MDGA2: variants seen among roughly 807,000 people sequenced by gnomAD.
MDGA2 encodes the protein MAM domain-containing glycosylphosphatidylinositol anchor protein 2.
Under a neutral mutation model 117.8 loss-of-function variants are expected in MDGA2, and 40 were observed. The ratio of observed to expected loss-of-function variants is 0.34; its 90% CI spans 0.26 to 0.44. The LOEUF (loss-of-function observed/expected upper bound fraction) is 0.44. Among genes scored for constraint, MDGA2 ranks in the 20% least tolerant of loss-of-function variants. MDGA2 has a pLI of 1.00. For missense variants in MDGA2, 1,123 were observed against 1,250.6 expected, an observed-to-expected ratio of 0.90 and a Z score of 1.54; for synonymous variants, 452 against 439.0, an observed-to-expected ratio of 1.03 and a Z score of -0.37.
At chr14:46,963,826 T>C (rs1038431275) in intron 8 of MDGA2, among the ~76,000 whole-genome samples, 1 of 152,258 alleles carries the variant, frequency 6.6e-6, no homozygotes, top group Non-Finnish European at 1.5e-5. Flanking sequence ...CCTATGTGTC[T>C]ATTACAGTAT....
At chr14:46,999,163 A>C (rs1887411234) in intron 8 of MDGA2, among the ~76,000 whole-genome samples, 1 of 152,082 alleles carries the variant, frequency 6.6e-6, no homozygotes, top group Non-Finnish European at 1.5e-5. Context: ...TTTAAGTATA[A>C]ATTGTGGAAT....
intron 3 of MDGA2, among the ~76,000 whole-genome samples, chr14:47,170,650 A>G (rs1884085400): frequency 6.6e-6 from 1 of 152,220 alleles, no homozygotes; most frequent in African/African-American, 2.4e-5. Context: ...ATATTTAATT[A>G]GAACTTTAAT....
intron 7 of MDGA2, among the ~76,000 whole-genome samples, chr14:47,047,567 C>T (rs994868791): frequency 1.3e-5 from 2 of 152,022 alleles, no homozygotes; most frequent in African/African-American, 4.8e-5. Context: ...TGAGCATAAT[C>T]GTACCTACTT....
At chr14:47,432,014 T>C (rs142223478) in intron 1 of MDGA2, among the ~76,000 whole-genome samples, 143 of 152,194 alleles carry the variant, frequency 9.4e-4, no homozygotes, top group African/African-American at 3.2e-3. Flanking sequence ...ATTATTTACA[T>C]CGACTTGGTT....
intron 3 of MDGA2, among the ~76,000 whole-genome samples, chr14:47,187,500 C>T (rs1262436510): frequency 1.3e-5 from 2 of 152,092 alleles, no homozygotes; most frequent in South Asian, 4.2e-4. Flanking sequence ...AAGTATTAAA[C>T]ATATTTTCTT....
chr14:47,579,162 AATATTACAAAAG>A (rs1452889454), intron 1 of MDGA2, among the ~76,000 whole-genome samples: 3 of 152,124 alleles, frequency 2.0e-5, no homozygotes, highest in Non-Finnish European at 4.4e-5. Context: ...CTTGGATAAA[AATATTACAAAAG>A]ATAACCTTTT....
chr14:47,281,562 C>G (rs2139738040), intron 2 of MDGA2, among the ~76,000 whole-genome samples: 3 of 152,248 alleles, frequency 2.0e-5, no homozygotes, highest in East Asian at 3.9e-4. Flanking sequence ...TTGCACCATT[C>G]TTAGGTTAGG....
intron 1 of MDGA2, among the ~76,000 whole-genome samples, chr14:47,421,995 A>G (rs948138450): frequency 6.6e-6 from 1 of 152,132 alleles, no homozygotes; most frequent in Non-Finnish European, 1.5e-5. Flanking sequence ...TACAAAGTTA[A>G]CAATATTCTT....
intron 5 of MDGA2, among the ~76,000 whole-genome samples, chr14:47,103,054 T>A (rs548473593): frequency 6.0e-4 from 91 of 152,150 alleles, no homozygotes; most frequent in African/African-American, 2.0e-3. Flanking sequence ...GGGTGAAAAA[T>A]GAAATAATGA....
Position 47,380,594 on chromosome 14 carries a change from G to A in MDGA2, c.281-79044C>T, listed in dbSNP as rs750430957. ...CAGAGAATACTACAAACACCTCTAC[G>A]CAACTAGAAAATCTAGAAGAAATGG... On this transcript the variant is annotated intron_variant, in intron 1 of 16. Transcript: ENST00000399232. Among the ~76,000 whole-genome samples the A allele has an allele frequency of 2.0e-3, 301 of 150,280 alleles. 2 individuals carry two copies. The highest frequency in any genetic ancestry group is 3.4e-3 in the Non-Finnish European group (225 of 66,888).
chr14:47,305,099 C>G (rs1724718039), intron 1 of MDGA2: 1 of 151,950 alleles, frequency 6.6e-6, no homozygotes, highest in South Asian at 2.1e-4. Flanking sequence ...TATTTATTTA[C>G]TAATTGAGTT....
intron 8 of MDGA2, among the ~76,000 whole-genome samples, chr14:46,964,804 G>A (rs1008017751): frequency 5.4e-4 from 82 of 151,590 alleles, no homozygotes; most frequent in African/African-American, 1.8e-3. Flanking sequence ...CAAAGTTAAC[G>A]TGTTTGTAGC....
At chr14:47,041,734 T>G (rs943477611) in intron 7 of MDGA2, among the ~76,000 whole-genome samples, 2 of 152,068 alleles carry the variant, frequency 1.3e-5, no homozygotes, top group Non-Finnish European at 2.9e-5. Context: ...AAAGAAAATA[T>G]TTTCATTTCT....
chr14:47,253,491 G>T (rs576587145), intron 2 of MDGA2, among the ~76,000 whole-genome samples: 36 of 152,346 alleles, frequency 2.4e-4, no homozygotes, highest in African/African-American at 7.9e-4. Context: ...AAAACTTAAA[G>T]TTCCAAAACA....
intron 8 of MDGA2, among the ~76,000 whole-genome samples, chr14:47,020,966 A>AT (rs1233026099): frequency 2.0e-5 from 3 of 152,204 alleles, no homozygotes; most frequent in Admixed American, 2.0e-4. Flanking sequence ...TTGACAAAAA[A>AT]TGGCTTTTGA....
chr14:47,578,820 G>A (rs183923469), intron 1 of MDGA2, among the ~76,000 whole-genome samples: 1 of 152,188 alleles, frequency 6.6e-6, no homozygotes, highest in Non-Finnish European at 1.5e-5. Flanking sequence ...CTATGCTGTT[G>A]ATACATCACA....
At chr14:47,609,465 A>ATATACATATATAT (rs1555336021) in intron 1 of MDGA2, among the ~76,000 whole-genome samples, 2 of 107,376 alleles carry the variant, frequency 1.9e-5, no homozygotes, top group Non-Finnish European at 3.9e-5. Context: ...ATATATATAT[A>ATATACATATATAT]AGTTTCTTTA....
intron 1 of MDGA2, among the ~76,000 whole-genome samples, chr14:47,361,185 T>TAC (rs1891112802): frequency 8.1e-6 from 1 of 123,246 alleles, no homozygotes; most frequent in Admixed American, 7.5e-5. Flanking sequence ...TGTCATGTTG[T>TAC]ACTCTCTCTC....
intron 2 of MDGA2, among the ~76,000 whole-genome samples, chr14:47,273,273 T>TA (rs773320225): frequency 3.9e-5 from 6 of 152,158 alleles, no homozygotes; most frequent in Non-Finnish European, 7.3e-5. Flanking sequence ...TGTCAAATTA[T>TA]ATTCTGATAT....
Sources: gnomAD v4.1 joint callset for allele counts (sites outside exome capture counted in the v4.1 genomes callset) on GRCh38, gnomAD v4.1.1 for gene constraint, MANE v1.5 for transcripts, NCBI Gene and HGNC (gene_info 2026-07-23, HGNC 2026-07-21) for gene names.